Variants in ELAVL4 observed in about 807,000 individuals in gnomAD.
The protein encoded by ELAVL4 is ELAV like RNA binding protein 4.
ELAVL4 carries 1 observed loss-of-function variant against 35.6 expected under a neutral mutation model. The observed-to-expected ratio is 0.03, with a 90% confidence interval of 0.01 to 0.13. ELAVL4 has a LOEUF of 0.13. ELAVL4 is among the 10% of genes least tolerant of loss of function. ELAVL4 has a pLI of 1.00. For synonymous variants in ELAVL4, 156 were observed against 171.0 expected (o/e 0.91, Z 0.69); for missense variants, 267 against 464.9 (o/e 0.57, Z 3.91).
At position 50,145,119 on chromosome 1, in the gene ELAVL4, A is replaced by G; in HGVS notation, c.172A>G (p.Thr58Ala). Residue 58 changes from threonine to alanine, a missense_variant, in exon 2 of 7, where the codon ACC (threonine) becomes GCC (alanine). Thr to Ala is a moderately conservative substitution (Grantham distance 58, BLOSUM62 0). Around this residue, in one of 2 missense-constraint regions of ELAVL4, gnomAD observed 216 missense variants for 409.5 expected, o/e 0.53. Transcript: ENST00000371824. Reference protein sequence around the residue: ...LIVNYLPQNMTQEEFRSLFGS... With the variant: ...LIVNYLPQNMAQEEFRSLFGS... ...CGTCAACTATTTACCCCAGAATATG[A>G]CCCAAGAAGAATTCAGGAGTCTCTT... 1 of 1,613,992 alleles carries G rather than the reference A, an allele frequency of 6.2e-7. No homozygotes were observed. The highest frequency in any genetic ancestry group is 8.5e-7 in the Non-Finnish European group (1 of 1,179,940).
upstream of ELAVL4, chr1:50,106,178 G>T: frequency 1.5e-6 from 1 of 656,314 alleles, no homozygotes; most frequent in South Asian, 2.7e-5. Flanking sequence ...TGCCACGTAA[G>T]GCTTCTCCAC....
intron 1 of ELAVL4, among the ~76,000 whole-genome samples, chr1:50,058,571 A>T (rs1404149890): frequency 6.6e-6 from 1 of 151,946 alleles, no homozygotes; most frequent in Non-Finnish European, 1.5e-5. Flanking sequence ...AAAAAAAAAA[A>T]GTAAAAATGG....
chr1:50,060,214 A>G (rs1663889985), intron 1 of ELAVL4, among the ~76,000 whole-genome samples: 1 of 152,238 alleles, frequency 6.6e-6, no homozygotes, highest in Non-Finnish European at 1.5e-5. Flanking sequence ...AAAACAGAAT[A>G]GTCAAATCTC....
At chr1:50,081,929 G>A (rs1665029206) in intron 1 of ELAVL4, among the ~76,000 whole-genome samples, 1 of 152,060 alleles carries the variant, frequency 6.6e-6, no homozygotes, top group African/African-American at 2.4e-5. Flanking sequence ...AACATGCAGT[G>A]TTTGGTTTTC....
At chr1:50,106,593 T>C (rs1275096130), upstream of ELAVL4, among the ~76,000 whole-genome samples, 1 of 152,138 alleles carries the variant, frequency 6.6e-6, no homozygotes, top group East Asian at 1.9e-4. Context: ...AAATGTCACA[T>C]CACTGATGTA....
In ELAVL4 at chr1:50,203,365, TA is replaced by T. The variant is rs1249800288; in HGVS notation, c.*2190del. On this transcript the variant is annotated 3_prime_UTR_variant, in exon 7 of 7. Transcript: ENST00000371824. ...AAGGCTGCATCATAGACTCCTCCTTTAAATTTTTTTTCTGTTTTTTTTTCCT... is the reference window on the plus strand; with the variant it reads ...AAGGCTGCATCATAGACTCCTCCTTTAATTTTTTTTCTGTTTTTTTTTCCT... The T allele has an allele frequency of 2.0e-5, 3 of 152,134 alleles. No individual in the cohort carries two copies. The highest frequency in any genetic ancestry group is 7.2e-5 in the African/African-American group (3 of 41,426). The allele number at this position is 152,134 out of a possible 1,614,324, so 9.4% of individuals were successfully genotyped here. A position where few individuals can be genotyped will look rare whatever the true frequency, so the allele number is the denominator to read the frequency against.
chr1:50,119,346 G>A lies in ELAVL4; in HGVS notation c.9+10148G>A, dbSNP rs555569441. Among the ~76,000 whole-genome samples the A allele has an allele frequency of 5.3e-5, 8 of 152,136 alleles. No homozygotes were observed. In the South Asian group the frequency reaches 1.7e-3, roughly 32 times the overall value. ...AGAAGGGATGGTATAGAAGATGTTT[G>A]TCCATATTTTAGCCTTGGAAAATCT... On this transcript the variant is annotated intron_variant, in intron 1 of 6. Transcript: ENST00000371824.
At chr1:50,199,380 C>T (rs1644262846) in intron 6 of ELAVL4, among the ~76,000 whole-genome samples, 1 of 152,142 alleles carries the variant, frequency 6.6e-6, no homozygotes, top group African/African-American at 2.4e-5. Flanking sequence ...CAGTAAAACC[C>T]TGGCCAAATG....
intron 1 of ELAVL4, among the ~76,000 whole-genome samples, chr1:50,132,841 A>T (rs921062211): frequency 6.6e-6 from 1 of 152,192 alleles, no homozygotes; most frequent in Non-Finnish European, 1.5e-5. Flanking sequence ...GTAAAAACAA[A>T]ACAGAGTTGA....
chr1:50,201,068 A>G lies in ELAVL4; in HGVS notation c.991A>G (p.Met331Val). ...GTGCAAGGGATTCGGCTTTGTCACC[A>G]TGACCAACTATGATGAGGCGGCCAT... ...NKCKGFGFVT[M>V]TNYDEAAMAI... The change falls in exon 7 of 7, where the codon ATG becomes GTG. Residue 331 changes from methionine to valine, a missense_variant. Met to Val is a conservative substitution (Grantham distance 21). Around this residue, in one of 2 missense-constraint regions of ELAVL4, gnomAD observed 216 missense variants for 409.5 expected, o/e 0.53. Coordinates refer to ENST00000371824, the MANE Select transcript of ELAVL4 (RefSeq NM_001144774.3). This position sits in a 1 kb window ranked among gnomAD's most constrained non-coding sequence, Gnocchi z 4.3. The G allele has an allele frequency of 6.2e-7, 1 of 1,614,132 alleles. No individual in the cohort carries two copies. Among genetic ancestry groups the G allele is most frequent in the Non-Finnish European group, 8.5e-7 (1 of 1,179,996 alleles).
chr1:50,171,583 C>A (rs1192318363), intron 2 of ELAVL4, among the ~76,000 whole-genome samples: 2 of 152,082 alleles, frequency 1.3e-5, no homozygotes, highest in Non-Finnish European at 1.5e-5. Flanking sequence ...GCTATTAGTC[C>A]CCATGTTAAT....
intron 3 of ELAVL4, among the ~76,000 whole-genome samples, chr1:50,177,543 A>G (rs1309702733): frequency 2.6e-5 from 4 of 152,258 alleles, no homozygotes; most frequent in Non-Finnish European, 5.9e-5. Context: ...GGCAGAGGAA[A>G]CAGCACATGC....
chr1:50,109,544 G>T, intron 1 of ELAVL4: 1 of 356,286 alleles, frequency 2.8e-6, no homozygotes. Flanking sequence ...GGGAGAGGGG[G>T]TTTGTCTACG....
chr1:50,172,216 G>C (rs74601502), intron 2 of ELAVL4, among the ~76,000 whole-genome samples: 14 of 151,826 alleles, frequency 9.2e-5, no homozygotes, highest in African/African-American at 3.2e-4. Context: ...GGATCCTAAA[G>C]GCAAGGAAAA....
At chr1:50,125,459 A>G (rs929749424) in intron 1 of ELAVL4, among the ~76,000 whole-genome samples, 3 of 151,916 alleles carry the variant, frequency 2.0e-5, no homozygotes, top group African/African-American at 4.8e-5. Context: ...GCTGAGCTTC[A>G]TATGTCCAAC....
intron 1 of ELAVL4, among the ~76,000 whole-genome samples, chr1:50,089,751 T>C (rs1466493899): frequency 6.6e-6 from 1 of 152,150 alleles, no homozygotes; most frequent in Non-Finnish European, 1.5e-5. Flanking sequence ...TGAGACTTTA[T>C]CTCTAAAACA....
intron 1 of ELAVL4, among the ~76,000 whole-genome samples, chr1:50,097,199 GAC>G (rs1231510309): frequency 6.6e-6 from 1 of 152,154 alleles, no homozygotes; most frequent in Non-Finnish European, 1.5e-5. Context: ...CAGCCTGGGT[GAC>G]AGAGCAAGAC....
intron 1 of ELAVL4, among the ~76,000 whole-genome samples, chr1:50,118,441 T>C (rs1046008981): frequency 6.6e-6 from 1 of 151,812 alleles, no homozygotes; most frequent in Non-Finnish European, 1.5e-5. Flanking sequence ...TGAAGAGATG[T>C]GCAGGATGTC....
chr1:50,195,256 G>A (rs1366437603), intron 4 of ELAVL4, among the ~76,000 whole-genome samples: 1 of 152,212 alleles, frequency 6.6e-6, no homozygotes, highest in African/African-American at 2.4e-5. Context: ...AAACTGGACA[G>A]TGAGTGATCA....
Sources: allele counts gnomAD v4.1 joint callset (sites outside exome capture counted in the v4.1 genomes callset), GRCh38; gene constraint gnomAD v4.1.1; regional missense constraint gnomAD v4.1.1; non-coding constraint Gnocchi (gnomAD v3.1); transcripts MANE v1.5; gene names NCBI Gene and HGNC (gene_info 2026-07-23, HGNC 2026-07-21).